LIPJ: variants seen among roughly 807,000 people sequenced by gnomAD.
LIPJ encodes the protein lipase family member J.
A neutral mutation model predicts 39.8 loss-of-function variants in LIPJ; 33 were observed. The observed-to-expected ratio is 0.83, with a 90% CI of 0.63 to 1.11. The LOEUF is 1.11. LIPJ is among the 50% of genes least tolerant of loss of function. The pLI, the probability that LIPJ is intolerant of heterozygous loss-of-function variation, is 0.00. For missense variants in LIPJ, 422 were observed against 427.9 expected, an observed-to-expected ratio of 0.99 and a Z score of 0.12; for synonymous variants, 128 against 139.2, an observed-to-expected ratio of 0.92 and a Z score of 0.57.
intron 8 of LIPJ, among the ~76,000 whole-genome samples, chr10:88,600,244 C>A (rs1851427646): frequency 1.3e-5 from 2 of 152,064 alleles, no homozygotes; most frequent in South Asian, 4.1e-4. Flanking sequence ...CATTTCAATT[C>A]TTTTTCTTCT....
At chr10:88,602,799 T>G (rs1851539714) in intron 9 of LIPJ, 152 bp downstream of exon 9, 1 of 461,400 alleles carries the variant, frequency 2.2e-6, no homozygotes, top group Admixed American at 4.3e-5. Context: ...TTACAGTTTA[T>G]AAAATATTGA....
chr10:88,613,800 A>ATATGTGTGTGTGTG, the LIPJ span, among the ~76,000 whole-genome samples: 6 of 74,156 alleles, frequency 8.1e-5, no homozygotes, highest in Non-Finnish European at 1.3e-4. Flanking sequence ...ATATATATAT[A>ATATGTGTGTGTGTG]TGTGTGTGTG....
Position 88,606,662 on chromosome 10 carries a change from A to G in LIPJ, c.868-12A>G. On this transcript the variant is annotated splice_polypyrimidine_tract_variant and intron_variant, in intron 10 of 10. Coordinates refer to ENST00000371939, the Ensembl canonical transcript of LIPJ. ...TCCTATGAAAACTATTTTTTCACTC[A>G]TTTATTTTCAGACAACGTCTCCATT... 6.5e-7 allele frequency: 1 copy of G among 1,534,078 alleles called. No individual in the cohort carries two copies. The highest frequency in any genetic ancestry group is 2.3e-5 in the East Asian group (1 of 44,364).
upstream of LIPJ, chr10:88,583,854 A>G (rs1422750671): frequency 5.9e-6 from 2 of 338,918 alleles, no homozygotes; most frequent in Non-Finnish European, 8.4e-6. Context: ...GAAAATTCCA[A>G]ATTACTCTTC....
upstream of LIPJ, chr10:88,583,334 C>T: frequency 7.1e-7 from 1 of 1,406,802 alleles, no homozygotes. Context: ...TTCCTCCGGC[C>T]GGCCTGCAGG....
chr10:88,599,842 G>GAA (rs1851410977), intron 8 of LIPJ, among the ~76,000 whole-genome samples: 1 of 150,886 alleles, frequency 6.6e-6, no homozygotes. Context: ...ATTTTCATTT[G>GAA]ACAATCTTTG....
chr10:88,583,278 G>C, upstream of LIPJ: 1 of 1,563,380 alleles, frequency 6.4e-7, no homozygotes, highest in Non-Finnish European at 8.6e-7. Context: ...ACCGGCGCTA[G>C]CGCTCTTTGG....
the LIPJ span, among the ~76,000 whole-genome samples, chr10:88,619,330 A>G: frequency 2.0e-5 from 3 of 152,048 alleles, no homozygotes; most frequent in African/African-American, 7.2e-5. Context: ...TGGTATAGAT[A>G]GTATCTAAAG....
chr10:88,583,236 G>C (rs1850767081), upstream of LIPJ: 1 of 1,606,350 alleles, frequency 6.2e-7, no homozygotes, highest in Non-Finnish European at 8.5e-7. Context: ...CGGCGGGGCC[G>C]TTCGGCCCGG....
At chr10:88,608,330 C>T (rs112381796), downstream of LIPJ, among the ~76,000 whole-genome samples, 330 of 152,270 alleles carry the variant, frequency 2.2e-3, 1 homozygote, top group African/African-American at 7.4e-3. Context: ...ATGTTGTTAA[C>T]GAGGGAGGCT....
chr10:88,607,626 C>T (rs1851700037), downstream of LIPJ, among the ~76,000 whole-genome samples: 1 of 152,098 alleles, frequency 6.6e-6, no homozygotes, highest in South Asian at 2.1e-4. Context: ...ATTTCTTATA[C>T]ATGAGATGTG....
chr10:88,597,435 T>C (rs1417098577), intron 8 of LIPJ, among the ~76,000 whole-genome samples: 1 of 151,896 alleles, frequency 6.6e-6, no homozygotes, highest in African/African-American at 2.4e-5. Flanking sequence ...CCAAAACCTT[T>C]GGATTGATTG....
upstream of LIPJ, among the ~76,000 whole-genome samples, chr10:88,584,748 C>G (rs1850850278): frequency 6.6e-6 from 1 of 152,292 alleles, no homozygotes; most frequent in East Asian, 1.9e-4. Flanking sequence ...CAGGTGCCCA[C>G]CGCCACGTGT....
chr10:88,604,575 A>G (rs1271732499), intron 9 of LIPJ, among the ~76,000 whole-genome samples: 1 of 152,224 alleles, frequency 6.6e-6, no homozygotes, highest in Non-Finnish European at 1.5e-5. Flanking sequence ...GCAGGCAACA[A>G]GATTTAATGA....
chr10:88,595,710 A>C lies in LIPJ; in HGVS notation c.440-570A>C, dbSNP rs117280920. Among the ~76,000 whole-genome samples, 52 of 151,668 alleles carry C rather than the reference A, an allele frequency of 3.4e-4. 1 individual carries two copies. In the East Asian group the frequency reaches 7.7e-3, roughly 23 times the overall value. On this transcript the variant is annotated intron_variant, in intron 6 of 10. Coordinates refer to ENST00000371939, the Ensembl canonical transcript of LIPJ. ...TCTCAGAACCTGACCTAAATAAATA[A>C]ATAATAAATAAATAATCAATCAGAA... is the stretch of plus-strand genomic sequence containing the variant.
chr10:88,604,411 A>G (rs953280217), intron 9 of LIPJ, among the ~76,000 whole-genome samples: 5 of 152,232 alleles, frequency 3.3e-5, no homozygotes, highest in Non-Finnish European at 7.3e-5. Context: ...TATGTTGAGT[A>G]GACTATAGTA....
At chr10:88,583,487 G>A (rs555459095), upstream of LIPJ, 1 of 1,262,726 alleles carries the variant, frequency 7.9e-7, no homozygotes, top group Admixed American at 3.8e-5. Flanking sequence ...TGGAAATGGT[G>A]TGGGCTATTG....
At chr10:88,616,279 G>A in the LIPJ span, among the ~76,000 whole-genome samples, 5 of 152,104 alleles carry the variant, frequency 3.3e-5, no homozygotes, top group Non-Finnish European at 5.9e-5. Flanking sequence ...GTGACCCCGC[G>A]GGGAAAGCCT....
rs1851158461 is a variant in LIPJ at position 88,593,773 on chromosome 10, A to G, written c.131-173A>G. The G allele has an allele frequency of 1.0e-5, 6 of 574,120 alleles. No homozygotes were observed. The South Asian group carries it at 1.4e-4, about 14-fold the overall frequency. The allele number at this position is 574,120 out of a possible 1,614,324, so 35.6% of individuals were successfully genotyped here. ...TGAAAGACATCCATTAGTGAACTGT[A>G]TTAAACAGCTCTGTCATACAACGGG... is the stretch of plus-strand genomic sequence containing the variant. On this transcript the variant is annotated intron_variant, in intron 4 of 10. Coordinates refer to ENST00000371939, the Ensembl canonical transcript of LIPJ.
Sources: gnomAD v4.1 joint callset for allele counts (sites outside exome capture counted in the v4.1 genomes callset) on GRCh38, gnomAD v4.1.1 for gene constraint, MANE v1.5 for transcripts, NCBI Gene and HGNC (gene_info 2026-07-23, HGNC 2026-07-21) for gene names.